ERN2: variants seen among roughly 807,000 people sequenced by gnomAD.
ERN2 encodes endoplasmic reticulum to nucleus signaling 2, also known as serine/threonine-protein kinase/endoribonuclease IRE2.
ERN2 carries 111 observed loss-of-function variants against 107.9 expected under a neutral mutation model. That is an observed-to-expected ratio of 1.03 (90% CI 0.88 to 1.20). The LOEUF (loss-of-function observed/expected upper bound fraction) is 1.20, where lower values mean the gene tolerates loss of function less well. Ranked by LOEUF, ERN2 falls within the 50% of genes most tolerant of loss-of-function variation. ERN2 has a pLI of 0.00. For missense variants in ERN2, 1,225 were observed against 1,197.9 expected, an observed-to-expected ratio of 1.02 and a Z score of -0.33; for synonymous variants, 524 against 501.7, an observed-to-expected ratio of 1.04 and a Z score of -0.59.
chr16:23,702,879 C>T lies in ERN2; in HGVS notation c.855-177G>A, dbSNP rs1960146983. Among the ~76,000 whole-genome samples, 2 of 152,102 alleles carry T rather than the reference C, an allele frequency of 1.3e-5. 1 individual carries two copies. Among genetic ancestry groups the T allele is most frequent in the South Asian group, 4.1e-4 (2 of 4,828 alleles). On this transcript the variant is annotated intron_variant, in intron 8 of 21. Coordinates refer to ENST00000256797, the MANE Select transcript of ERN2 (RefSeq NM_033266.4). ...GACATAAGTAGAGGCTTGAAAAGTG[C>T]TTGTGCCTTCAGGCTTCCTTATGCA...
Position 23,701,100 on chromosome 16 carries a change from G to T in ERN2, c.1218C>A (p.Ser406Arg), listed in dbSNP as rs764851891. 1 of 1,613,892 alleles carries T rather than the reference G, an allele frequency of 6.2e-7. No individual in the cohort carries two copies. The highest frequency in any genetic ancestry group is 2.2e-5 in the East Asian group (1 of 44,884). The change falls in exon 12 of 22, where the codon AGC becomes AGA. Residue 406 changes from serine to arginine, a missense_variant. By Grantham distance (110) the Ser-to-Arg change is moderately radical. Coordinates refer to ENST00000256797, the MANE Select transcript of ERN2 (RefSeq NM_033266.4). ...PAFFLELLSL[S>R]REKLWDSELH... Reference sequence around the variant, plus strand: ...GCTCGGAGTCCCAAAGTTTCTCTCGGCTCAGGCTCAATAGCTGGGGATAAA... The same window carrying T: ...GCTCGGAGTCCCAAAGTTTCTCTCGTCTCAGGCTCAATAGCTGGGGATAAA...
At chr16:23,712,960 G>T in intron 1 of ERN2, 135 bp downstream of exon 1, 2 of 657,712 alleles carry the variant, frequency 3.0e-6, no homozygotes, top group Admixed American at 3.5e-5. Context: ...CGTTGGGGCC[G>T]AGTTGGGACC....
rs764851891 is a variant in ERN2 at position 23,701,100 on chromosome 16, G to A, written c.1218C>T (p.Ser406=). The change falls in exon 12 of 22, where the codon AGC becomes AGT. Residue 406 remains serine (S), a synonymous_variant. Coordinates refer to ENST00000256797, the MANE Select transcript of ERN2 (RefSeq NM_033266.4). ...PAFFLELLSL[S]REKLWDSELH... ...GCTCGGAGTCCCAAAGTTTCTCTCGGCTCAGGCTCAATAGCTGGGGATAAA... is the reference window on the plus strand; with the variant it reads ...GCTCGGAGTCCCAAAGTTTCTCTCGACTCAGGCTCAATAGCTGGGGATAAA... 1 of 1,613,892 alleles carries A rather than the reference G, an allele frequency of 6.2e-7. No individual in the cohort carries two copies. Among genetic ancestry groups the A allele is most frequent in the Non-Finnish European group, 8.5e-7 (1 of 1,179,906 alleles).
intron 17 of ERN2, among the ~76,000 whole-genome samples, chr16:23,693,338 G>A (rs2141004916): frequency 6.6e-6 from 1 of 152,240 alleles, no homozygotes; most frequent in African/African-American, 2.4e-5. Flanking sequence ...TATAATCTCA[G>A]CACTTTGGGA....
At chr16:23,711,436 G>A (rs1488407898) in intron 1 of ERN2, among the ~76,000 whole-genome samples, 3 of 152,120 alleles carry the variant, frequency 2.0e-5, no homozygotes, top group Non-Finnish European at 4.4e-5. Flanking sequence ...AGCTCACTGT[G>A]GCCTCAAACC....
At chr16:23,701,797 T>G (rs1404840715) in intron 11 of ERN2, among the ~76,000 whole-genome samples, 1 of 152,038 alleles carries the variant, frequency 6.6e-6, no homozygotes, top group South Asian at 2.1e-4. Flanking sequence ...TCCCCACTAA[T>G]TTTTTATTTT....
rs1959616004 is a variant in ERN2 at position 23,692,017 on chromosome 16, C to G, written c.2322G>C (p.Gln774His). The G allele has an allele frequency of 2.5e-6, 4 of 1,613,788 alleles. No homozygotes were observed. Among genetic ancestry groups the G allele is most frequent in the Non-Finnish European group, 3.4e-6 (4 of 1,179,974 alleles). Residue 774 changes from glutamine (Q) to histidine (H), a missense_variant, in exon 19 of 22, where the codon CAG becomes CAC. Gln to His is a conservative substitution (Grantham distance 24). Coordinates refer to ENST00000256797, the MANE Select transcript of ERN2 (RefSeq NM_033266.4). ...PLPQPRPSAP[Q>H]VLAHPFFWSR... is the part of the protein sequence containing the mutation. The stretch of plus-strand genomic sequence containing the variant: ...TCCAAAAGAAGGGGTGGGCCAGCAC[C>G]TGGGGGGCAGAGGGGCGTGGCTGCG...
intron 2 of ERN2, 41 bp downstream of exon 2, chr16:23,710,872 C>A (rs756570330): frequency 3.6e-6 from 5 of 1,395,592 alleles, no homozygotes; most frequent in Non-Finnish European, 5.1e-6. Flanking sequence ...CTTCACCAAT[C>A]TATGGGCCCA....
chr16:23,706,952 A>G, intron 5 of ERN2, 55 bp downstream of exon 5: 1 of 1,585,760 alleles, frequency 6.3e-7, no homozygotes, highest in Non-Finnish European at 8.7e-7. Context: ...GTCACGACTT[A>G]GATCCCTGCC....
Position 23,692,002 on chromosome 16 carries a change from G to C in ERN2, c.2337C>G (p.Pro779=). The change falls in exon 19 of 22, where the codon CCC becomes CCG. Residue 779 remains proline, a synonymous_variant. Coordinates refer to ENST00000256797, the MANE Select transcript of ERN2 (RefSeq NM_033266.4). ...GTTGCTTGGCTCTGCTCCAAAAGAA[G>C]GGGTGGGCCAGCACCTGGGGGGCAG... ...RPSAPQVLAH[P]FFWSRAKQLQ... 2 of 1,613,694 alleles carry C rather than the reference G, an allele frequency of 1.2e-6. No homozygotes were observed. The highest frequency in any genetic ancestry group is 2.2e-5 in the East Asian group (1 of 44,878).
chr16:23,705,207 T>G (rs1597154371), intron 7 of ERN2, 60 bp from the exon 8 acceptor site: 1 of 1,574,082 alleles, frequency 6.4e-7, no homozygotes, highest in Admixed American at 1.7e-5. Context: ...GGTCCAAGGG[T>G]GTGCCCTCTG....
chr16:23,706,357 G>T lies in ERN2; in HGVS notation c.562C>A (p.Pro188Thr). The stretch of plus-strand genomic sequence containing the variant: ...TTCCCAGGTGAGCCATCCATGGGGG[G>T]CGCTGAGTAGCGGCGGTAGGTGGTG... ...WNTTYRRYSA[P>T]PMDGSPGKYM... Residue 188 changes from proline (P) to threonine (T), a missense_variant, in exon 7 of 22, where the codon CCC becomes ACC. By Grantham distance (38) the Pro-to-Thr change is conservative. Transcript: ENST00000256797. 1 of 1,557,124 alleles carries T rather than the reference G, an allele frequency of 6.4e-7. No homozygotes were observed. Among genetic ancestry groups the T allele is most frequent in the Non-Finnish European group, 8.7e-7 (1 of 1,154,794 alleles).
At position 23,700,754 on chromosome 16, in the gene ERN2, G is replaced by A. The variant is rs766111340; in HGVS notation, c.1360-50C>T. ...CTTTGTCCTGGCCACGCCCTGCCCC[G>A]TGATGGGCCCAGTATCTGTGACTGA... On this transcript the variant is annotated intron_variant, in intron 12 of 21. Coordinates refer to ENST00000256797, the MANE Select transcript of ERN2 (RefSeq NM_033266.4). 49 of 1,564,842 alleles carry A rather than the reference G, an allele frequency of 3.1e-5. 1 individual carries two copies. The highest frequency in any genetic ancestry group is 1.6e-4 in the Admixed American group (9 of 55,284).
chr16:23,690,848 C>A lies in ERN2; in HGVS notation c.2764G>T (p.Gly922Trp), dbSNP rs754519272. Residue 922 changes from glycine (G) to tryptophan (W), a missense_variant, in exon 22 of 22, where the codon GGG becomes TGG. Physicochemically the swap from Gly to Trp is radical, Grantham distance 184. Transcript: ENST00000256797. Reference sequence around the variant, plus strand: ...AGCCCACCTCACCTCCCTGTGGCCCCAGGGCATGGCCTCCTGGCCTCTGAG... The same window carrying A: ...AGCCCACCTCACCTCCCTGTGGCCCAAGGGCATGGCCTCCTGGCCTCTGAG... ...PDSEARRPCP[G>W]ATGR 6.2e-7 allele frequency: 1 copy of A among 1,612,162 alleles called. No individual in the cohort carries two copies. Among genetic ancestry groups the A allele is most frequent in the Non-Finnish European group, 8.5e-7 (1 of 1,180,022 alleles).
chr16:23,703,642 T>C (rs1407245587), intron 8 of ERN2, among the ~76,000 whole-genome samples: 2 of 152,190 alleles, frequency 1.3e-5, no homozygotes, highest in Non-Finnish European at 2.9e-5. Context: ...GGAGAAAATG[T>C]CCAAGCCCTT....
At chr16:23,707,886 T>C (rs1344936785) in intron 4 of ERN2, among the ~76,000 whole-genome samples, 1 of 152,236 alleles carries the variant, frequency 6.6e-6, no homozygotes, top group Non-Finnish European at 1.5e-5. Flanking sequence ...CATGGCCTGA[T>C]GCTGGCTAGG....
Position 23,700,634 on chromosome 16 carries a change from T to A in ERN2, c.1430A>T (p.Gln477Leu). 5 of 1,614,128 alleles carry A rather than the reference T, an allele frequency of 3.1e-6. No individual in the cohort carries two copies. The highest frequency in any genetic ancestry group is 4.2e-6 in the Non-Finnish European group (5 of 1,179,996). Residue 477 changes from glutamine to leucine, a missense_variant, in exon 13 of 22, where the codon CAG (glutamine) becomes CTG (leucine). Coordinates refer to ENST00000256797, the MANE Select transcript of ERN2 (RefSeq NM_033266.4). Reference sequence around the variant, plus strand: ...CCCCGAGTGCAGGGACTGGGCATCCTGGGAGATGTGAGCAAAGTCTGCAGG... The same window carrying A: ...CCCCGAGTGCAGGGACTGGGCATCCAGGGAGATGTGAGCAAAGTCTGCAGG... ...LAPADFAHIS[Q>L]DAQSLHSGAS...
chr16:23,700,053 G>T (rs1959981034), intron 13 of ERN2, among the ~76,000 whole-genome samples: 1 of 152,188 alleles, frequency 6.6e-6, no homozygotes, highest in Non-Finnish European at 1.5e-5. Flanking sequence ...AATGAGCTGG[G>T]CATGGTGACT....
rs762728366 is a variant in ERN2, at chr16:23,695,374, T to C, written c.1626A>G (p.Gly542=). The C allele has an allele frequency of 6.8e-5, 108 of 1,596,270 alleles. 1 individual carries two copies. In the Middle Eastern group the frequency reaches 1.3e-3, roughly 20 times the overall value. ...GGAGCCGCTTGACAGCCACTGCCCG[T>C]CCCTCAAACTGTCCCCTGGAAAGTG... ...GTFVFRGQFE[G]RAVAVKRLLR... is the part of the protein sequence containing the mutation. The change falls in exon 15 of 22, where the codon GGA becomes GGG. Residue 542 remains glycine (G), a synonymous_variant. Coordinates refer to ENST00000256797, the MANE Select transcript of ERN2 (RefSeq NM_033266.4).
Sources: gnomAD v4.1 joint callset for allele counts (sites outside exome capture counted in the v4.1 genomes callset) on GRCh38, gnomAD v4.1.1 for gene constraint, MANE v1.5 for transcripts, NCBI Gene and HGNC (gene_info 2026-07-23, HGNC 2026-07-21) for gene names.